RALGPS1: variants seen among roughly 807,000 people sequenced by gnomAD.
RALGPS1 encodes ras-specific guanine nucleotide-releasing factor RalGPS1.
In RALGPS1, 19 loss-of-function variants were observed where a neutral mutation model predicts 78.8. That is an observed-to-expected ratio of 0.24 (90% confidence interval 0.17 to 0.35). The LOEUF is 0.35. Ranked by LOEUF, RALGPS1 falls within the 10% of genes least tolerant of loss-of-function variation. RALGPS1 has a pLI of 1.00. For synonymous variants in RALGPS1, 228 were observed against 256.3 expected (o/e 0.89, Z 1.06); for missense variants, 454 against 688.3 (o/e 0.66, Z 3.81).
At chr9:127,123,001 G>C (rs2056295859) in intron 8 of RALGPS1, 1 of 152,418 alleles carries the variant, frequency 6.6e-6, no homozygotes, top group Non-Finnish European at 1.5e-5. Context: ...CTCAGGGAAT[G>C]GGTTTAGATC....
chr9:127,200,495 A>G (rs529349135), intron 14 of RALGPS1, among the ~76,000 whole-genome samples: 1 of 152,346 alleles, frequency 6.6e-6, no homozygotes, highest in East Asian at 1.9e-4. Context: ...CCTCCTGACC[A>G]CTGAGCCACC....
At chr9:127,170,928 C>T (rs764531989) in intron 10 of RALGPS1, among the ~76,000 whole-genome samples, 2 of 152,220 alleles carry the variant, frequency 1.3e-5, no homozygotes, top group Non-Finnish European at 2.9e-5. Flanking sequence ...CCCCAAGGGG[C>T]AAGAGATGGG....
At chr9:127,215,864 G>A (rs758519065) in intron 18 of RALGPS1, among the ~76,000 whole-genome samples, 1 of 152,212 alleles carries the variant, frequency 6.6e-6, no homozygotes, top group Non-Finnish European at 1.5e-5. Context: ...GAGGAGGAGC[G>A]GGGGAAGCAG....
At chr9:126,950,938 AAAAG>A (rs1017872332) in intron 1 of RALGPS1, among the ~76,000 whole-genome samples, 1 of 152,164 alleles carries the variant, frequency 6.6e-6, no homozygotes, top group African/African-American at 2.4e-5. Flanking sequence ...AATAAAGAAA[AAAAG>A]AGAGAAGAAT....
Position 127,199,002 on chromosome 9 carries a change from G to A in RALGPS1, c.1196-13G>A, listed in dbSNP as rs1464361529. The A allele has an allele frequency of 1.9e-6, 3 of 1,613,582 alleles. No individual in the cohort carries two copies. Among genetic ancestry groups the A allele is most frequent in the Non-Finnish European group, 2.5e-6 (3 of 1,179,440 alleles). ...GAAGCCGTTGTGCTCATTGACCTGTGTTCCTTTTCCAGGCAGTAGTGAGAG... is the reference window on the plus strand; with the variant it reads ...GAAGCCGTTGTGCTCATTGACCTGTATTCCTTTTCCAGGCAGTAGTGAGAG... On this transcript the variant is annotated splice_polypyrimidine_tract_variant and intron_variant, in intron 13 of 18. Transcript: ENST00000259351.
intron 8 of RALGPS1, among the ~76,000 whole-genome samples, chr9:127,150,430 C>G (rs889998729): frequency 6.6e-6 from 1 of 152,190 alleles, no homozygotes; most frequent in African/African-American, 2.4e-5. Flanking sequence ...CCTCTTTCAC[C>G]ATTGCTTTAG....
chr9:126,991,813 G>T (rs1345469048), intron 4 of RALGPS1, among the ~76,000 whole-genome samples: 3 of 152,234 alleles, frequency 2.0e-5, no homozygotes, highest in South Asian at 2.1e-4. Flanking sequence ...CTCGCACATG[G>T]CAGAAACTCA....
intron 3 of RALGPS1, among the ~76,000 whole-genome samples, chr9:126,972,667 C>T (rs1831702257): frequency 6.6e-6 from 1 of 152,176 alleles, no homozygotes; most frequent in South Asian, 2.1e-4. Flanking sequence ...ACACATTGAC[C>T]TGTTCCATAA....
intron 1 of RALGPS1, among the ~76,000 whole-genome samples, chr9:126,927,163 A>G (rs2035360848): frequency 6.6e-6 from 1 of 152,084 alleles, no homozygotes; most frequent in Admixed American, 6.6e-5. Flanking sequence ...AAGGGCTTTC[A>G]CAGATGGTTC....
chr9:126,946,300 G>A (rs1000805234), intron 1 of RALGPS1, among the ~76,000 whole-genome samples: 4 of 152,168 alleles, frequency 2.6e-5, no homozygotes, highest in African/African-American at 7.2e-5. Flanking sequence ...TCGGGAGGCC[G>A]AGATGGGCAG....
intron 7 of RALGPS1, among the ~76,000 whole-genome samples, chr9:127,060,160 C>T (rs566127337): frequency 5.8e-4 from 89 of 152,186 alleles, no homozygotes; most frequent in African/African-American, 2.0e-3. Flanking sequence ...TTCAGCTACC[C>T]GTAGAAATCA....
intron 8 of RALGPS1, among the ~76,000 whole-genome samples, chr9:127,159,739 C>T (rs901446592): frequency 6.6e-6 from 1 of 152,168 alleles, no homozygotes; most frequent in Non-Finnish European, 1.5e-5. Context: ...TTAAAGAGAG[C>T]ACACACATCC....
At chr9:127,153,375 C>CTTTTTTTTT (rs60308901) in intron 8 of RALGPS1, among the ~76,000 whole-genome samples, 1 of 102,116 alleles carries the variant, frequency 9.8e-6, no homozygotes, top group Non-Finnish European at 2.0e-5. Context: ...TAGAGGATTA[C>CTTTTTTTTT]TTTTTTTTTT....
chr9:127,190,543 CAT>C (rs1235466163), intron 11 of RALGPS1, among the ~76,000 whole-genome samples: 1 of 152,080 alleles, frequency 6.6e-6, no homozygotes, highest in Non-Finnish European at 1.5e-5. Flanking sequence ...CAGGCTGAAA[CAT>C]AAGTTTTTAC....
At chr9:127,162,710 G>A (rs1043182433) in intron 8 of RALGPS1, among the ~76,000 whole-genome samples, 7 of 152,134 alleles carry the variant, frequency 4.6e-5, no homozygotes, top group African/African-American at 1.7e-4. Flanking sequence ...AACTCTGTGG[G>A]CCTCAGTTTG....
chr9:126,958,052 G>T (rs1225839367), intron 1 of RALGPS1, among the ~76,000 whole-genome samples: 2 of 149,978 alleles, frequency 1.3e-5, no homozygotes, highest in African/African-American at 2.4e-5. Flanking sequence ...GATCCCTTCA[G>T]CCCAGGAGTT....
intron 4 of RALGPS1, among the ~76,000 whole-genome samples, chr9:126,995,231 C>G (rs1212698111): frequency 1.3e-5 from 2 of 152,102 alleles, no homozygotes; most frequent in Non-Finnish European, 2.9e-5. Flanking sequence ...AAGACACAGA[C>G]TGGCAAATTG....
intron 11 of RALGPS1, among the ~76,000 whole-genome samples, chr9:127,181,506 G>T (rs539959940): frequency 1.3e-5 from 2 of 152,210 alleles, no homozygotes; most frequent in Non-Finnish European, 2.9e-5. Context: ...CCATATATCC[G>T]TATAGTGCAA....
chr9:127,090,818 G>T (rs1183062407), intron 8 of RALGPS1, among the ~76,000 whole-genome samples: 1 of 152,220 alleles, frequency 6.6e-6, no homozygotes, highest in Non-Finnish European at 1.5e-5. Context: ...AGACTGAGAG[G>T]CCTTCATCTC....
Sources: allele counts gnomAD v4.1 joint callset (sites outside exome capture counted in the v4.1 genomes callset), GRCh38; gene constraint gnomAD v4.1.1; transcripts MANE v1.5; gene names NCBI Gene and HGNC (gene_info 2026-07-23, HGNC 2026-07-21).